CIT: variants seen among roughly 807,000 people sequenced by gnomAD.
The protein encoded by CIT is citron rho-interacting serine/threonine kinase.
A neutral mutation model predicts 272.7 loss-of-function variants in CIT; 79 were observed. That is an observed-to-expected ratio of 0.29 (90% CI 0.24 to 0.35). The LOEUF (loss-of-function observed/expected upper bound fraction) is 0.35. CIT is among the 10% of genes least tolerant of loss of function. The pLI is 1.00. For missense variants in CIT, 1,909 were observed against 2,618.3 expected, an observed-to-expected ratio of 0.73 and a Z score of 5.91; for synonymous variants, 948 against 995.6, an observed-to-expected ratio of 0.95 and a Z score of 0.90.
chr12:119,821,306 A>G (rs540712989), intron 9 of CIT, among the ~76,000 whole-genome samples: 260 of 152,340 alleles, frequency 1.7e-3, no homozygotes, highest in Non-Finnish European at 3.0e-3. Flanking sequence ...AAAAAAAAAA[A>G]AAAGAATTTT....
chr12:119,693,194 CT>C (rs1325303997), intron 46 of CIT, among the ~76,000 whole-genome samples: 2 of 152,132 alleles, frequency 1.3e-5, no homozygotes, highest in African/African-American at 4.8e-5. Context: ...CTTCCATCTC[CT>C]TATCCATTAA....
At chr12:119,756,866 C>T (rs1243698393) in intron 22 of CIT, among the ~76,000 whole-genome samples, 1 of 152,090 alleles carries the variant, frequency 6.6e-6, no homozygotes, top group Non-Finnish European at 1.5e-5. Flanking sequence ...TGGTGGCTCA[C>T]GCCTGTAACC....
chr12:119,775,690 T>A (rs1963682922), intron 16 of CIT, 96 bp downstream of exon 16: 2 of 924,680 alleles, frequency 2.2e-6, no homozygotes, highest in South Asian at 1.5e-5. Flanking sequence ...GGTGACTAAT[T>A]CTGTTTCTTT....
chr12:119,689,323 C>T (rs546003755), intron 47 of CIT, among the ~76,000 whole-genome samples: 11 of 149,232 alleles, frequency 7.4e-5, no homozygotes, highest in South Asian at 6.4e-4. Flanking sequence ...TTGAGGCTGC[C>T]GTGAGCTATA....
At chr12:119,755,979 T>A (rs1209495265) in intron 22 of CIT, among the ~76,000 whole-genome samples, 1 of 152,174 alleles carries the variant, frequency 6.6e-6, no homozygotes, top group East Asian at 1.9e-4. Context: ...TGTCATTACA[T>A]CTTGATAAAG....
In CIT at chr12:119,712,280, G is replaced by A. The variant is rs747659811; in HGVS notation, c.4752C>T (p.Tyr1584=). Reference sequence around the variant, plus strand: ...TGTCAGGGAAGCTGGGAGCTAGCAAGTAGAGGGTTCTCCCGGGCCAGCAGG... The same window carrying A: ...TGTCAGGGAAGCTGGGAGCTAGCAAATAGAGGGTTCTCCCGGGCCAGCAGG... ...HTTCWPGRTL[Y]LLAPSFPDKQ... The change falls in exon 37 of 48, where the codon TAC becomes TAT. Residue 1584 remains tyrosine, a synonymous_variant. Transcript: ENST00000392521. This position sits in a 1 kb window ranked among gnomAD's most constrained non-coding sequence, Gnocchi z 5.2. 6.2e-7 allele frequency: 1 copy of A among 1,614,220 alleles called. No homozygotes were observed. The highest frequency in any genetic ancestry group is 8.5e-7 in the Non-Finnish European group (1 of 1,180,018).
At chr12:119,739,534 AACTTGCAAAAGTATAATTG>A (rs2137296161) in intron 24 of CIT, among the ~76,000 whole-genome samples, 1 of 152,338 alleles carries the variant, frequency 6.6e-6, no homozygotes, top group East Asian at 1.9e-4. Context: ...AGCGGTCTTG[AACTTGCAAAAGTATAATTG>A]AGACCTACTA....
intron 28 of CIT, among the ~76,000 whole-genome samples, chr12:119,722,706 G>T (rs567838556): frequency 3.9e-5 from 6 of 152,150 alleles, no homozygotes; most frequent in African/African-American, 9.7e-5. Flanking sequence ...CTGAAAGTGG[G>T]TATACTAGCT....
At position 119,757,550 on chromosome 12, in the gene CIT, T is replaced by TG. The variant is rs34851548; in HGVS notation, c.2532-6dup. On this transcript the variant is annotated splice_region_variant and splice_polypyrimidine_tract_variant and intron_variant, in intron 21 of 47. Transcript: ENST00000392521. ...ATCATCTCTTCTTGGGCCTTCCTGG[T>TG]GGGGGTGGTGGGAGGATCCAAACAA... 1 of 1,613,794 alleles carries TG rather than the reference T, an allele frequency of 6.2e-7. No individual in the cohort carries two copies. Among genetic ancestry groups the TG allele is most frequent in the African/African-American group, 1.3e-5 (1 of 74,900 alleles).
At chr12:119,688,995 TA>T (rs1372952538) in intron 47 of CIT, among the ~76,000 whole-genome samples, 1 of 109,212 alleles carries the variant, frequency 9.2e-6, no homozygotes, top group Non-Finnish European at 1.7e-5. Context: ...ATTATGTCTC[TA>T]AAAAAAATAA....
chr12:119,776,868 G>C (rs774821739), intron 13 of CIT, 26 bp from the exon 14 acceptor site: 8 of 1,611,066 alleles, frequency 5.0e-6, no homozygotes, highest in Non-Finnish European at 6.8e-6. Flanking sequence ...TGAAATAAAA[G>C]AGAACTTTCG....
Position 119,691,838 on chromosome 12 carries a change from C to T in CIT, c.5883-1384G>A, listed in dbSNP as rs1290794772. ...GATCAGCTCTAAAAGTACTAGGGTC[C>T]CTATTATCTCAGCATAATTTGTGCT... is the stretch of plus-strand genomic sequence containing the variant. On this transcript the variant is annotated intron_variant, in intron 46 of 47. Coordinates refer to ENST00000392521, the MANE Select transcript of CIT (RefSeq NM_001206999.2). 2.6e-5 allele frequency among the ~76,000 whole-genome samples: 4 copies of T among 152,056 alleles called. No individual in the cohort carries two copies. In the South Asian group the frequency reaches 8.3e-4, roughly 32 times the overall value.
chr12:119,742,515 C>A, intron 23 of CIT, 51 bp from the exon 24 acceptor site: 2 of 1,389,320 alleles, frequency 1.4e-6, no homozygotes, highest in South Asian at 2.5e-5. Flanking sequence ...GAATACAATT[C>A]TACATGCTAC....
At position 119,708,034 on chromosome 12, in the gene CIT, A is replaced by C. The variant is rs140089909; in HGVS notation, c.5211+145T>G. 5,136 of 876,122 alleles carry C rather than the reference A, an allele frequency of 5.9e-3. 31 individuals carry two copies. Among genetic ancestry groups the C allele is most frequent in the Middle Eastern group, 0.01 (26 of 2,578 alleles). 54.3% of individuals were successfully genotyped at this position (876,122 alleles called of 1,614,324 possible). A position where few individuals can be genotyped will look rare whatever the true frequency, so the allele number is the denominator to read the frequency against. ...CATTGCAAAGCCCTGTTCCCAAATC[A>C]ATCTCTTTTCTTTCAAGAGAGCCCC... On this transcript the variant is annotated intron_variant, in intron 40 of 47. Transcript: ENST00000392521.
rs1008949817 is a variant in CIT, at chr12:119,697,448, C to A, written c.5882+211G>T. 6.6e-6 allele frequency among the ~76,000 whole-genome samples: 1 copy of A among 152,232 alleles called. No individual in the cohort carries two copies. The highest frequency in any genetic ancestry group is 2.4e-5 in the African/African-American group (1 of 41,460). ...AGGAGAGAAAGATCAGACCTCTCCC[C>A]TCTGACTTTTGCAAGGTGGTATTTT... On this transcript the variant is annotated intron_variant, in intron 46 of 47. Transcript: ENST00000392521. This position sits in a 1 kb window ranked among gnomAD's most constrained non-coding sequence, Gnocchi z 4.9.
chr12:119,700,894 G>T, intron 43 of CIT, 69 bp from the exon 44 acceptor site: 1 of 1,291,774 alleles, frequency 7.7e-7, no homozygotes, highest in Non-Finnish European at 1.1e-6. Context: ...CACACATGGT[G>T]ATGGAAGAAT....
At chr12:119,760,829 ATTCAACAGAAGGAAT>A in intron 20 of CIT, 95 bp downstream of exon 20, 1 of 771,134 alleles carries the variant, frequency 1.3e-6, no homozygotes. Context: ...ACTCCACAGG[ATTCAACAGAAGGAAT>A]TTCACCAGGT....
At position 119,822,720 on chromosome 12, in the gene CIT, T is replaced by C. The variant is rs1211012225; in HGVS notation, c.1111+100A>G. The C allele has an allele frequency of 5.6e-6, 7 of 1,249,298 alleles. No individual in the cohort carries two copies. The East Asian group carries it at 1.6e-4, about 29-fold the overall frequency. 77.4% of individuals were successfully genotyped at this position (1,249,298 alleles called of 1,614,324 possible). Reference sequence around the variant, plus strand: ...TGTAGATAATTAAAGCCTTTATTTATGTAATTTACAGAAGCTTCTTTGGGC... The same window carrying C: ...TGTAGATAATTAAAGCCTTTATTTACGTAATTTACAGAAGCTTCTTTGGGC... On this transcript the variant is annotated intron_variant, in intron 9 of 47. Coordinates refer to ENST00000392521, the MANE Select transcript of CIT (RefSeq NM_001206999.2).
chr12:119,692,048 G>A (rs143930891), intron 46 of CIT, among the ~76,000 whole-genome samples: 2 of 152,316 alleles, frequency 1.3e-5, no homozygotes, highest in African/African-American at 4.8e-5. Context: ...ATCACAGAAT[G>A]ATTTGTTTTG....
Sources: allele counts gnomAD v4.1 joint callset (sites outside exome capture counted in the v4.1 genomes callset), GRCh38; gene constraint gnomAD v4.1.1; non-coding constraint Gnocchi (gnomAD v3.1); transcripts MANE v1.5; gene names NCBI Gene and HGNC (gene_info 2026-07-23, HGNC 2026-07-21).